Variants in ARHGAP15 observed in about 807,000 individuals in gnomAD.
ARHGAP15 encodes rho GTPase-activating protein 15.
In ARHGAP15, 51 loss-of-function variants were observed where a neutral mutation model predicts 63.7. That is an observed-to-expected ratio of 0.80 (90% CI 0.64 to 1.01). The LOEUF (loss-of-function observed/expected upper bound fraction) is 1.01, where lower values mean the gene tolerates loss of function less well. Among genes scored for constraint, ARHGAP15 ranks in the 50% least tolerant of loss-of-function variants. The probability of loss-of-function intolerance (pLI) is 0.00; values close to 1 mark genes in which losing one functional copy is unlikely to be tolerated. For missense variants in ARHGAP15, 560 were observed against 564.6 expected (o/e 0.99, Z 0.08); for synonymous variants, 191 against 193.8 (o/e 0.99, Z 0.12).
chr2:143,557,830 T>C (rs1398738450), intron 11 of ARHGAP15, among the ~76,000 whole-genome samples: 1 of 151,954 alleles, frequency 6.6e-6, no homozygotes, highest in Non-Finnish European at 1.5e-5. Context: ...AATTAGAAAA[T>C]GAAAAACAAG....
intron 5 of ARHGAP15, among the ~76,000 whole-genome samples, chr2:143,242,807 C>A (rs983297855): frequency 6.6e-6 from 1 of 152,308 alleles, no homozygotes; most frequent in Admixed American, 6.5e-5. Flanking sequence ...TTTCCTAAAT[C>A]ATTTTGCCCA....
At chr2:143,271,666 C>T (rs1169209710) in intron 6 of ARHGAP15, among the ~76,000 whole-genome samples, 1 of 152,152 alleles carries the variant, frequency 6.6e-6, no homozygotes, top group Non-Finnish European at 1.5e-5. Context: ...TTAGTAGAGA[C>T]GGGGTTCCAC....
Position 143,311,875 on chromosome 2 carries a change from C to T in ARHGAP15, c.474+61275C>T, listed in dbSNP as rs1014061713. ...TCTCTTAGGGTTTTCAGAATAAAAA[C>T]GTGTCCATTTGCAGACCAAATTCCT... On this transcript the variant is annotated intron_variant, in intron 6 of 13. Coordinates refer to ENST00000295095, the MANE Select transcript of ARHGAP15 (RefSeq NM_018460.4). Among the ~76,000 whole-genome samples the T allele has an allele frequency of 1.4e-4, 21 of 152,206 alleles. No individual in the cohort carries two copies. In the East Asian group the frequency reaches 3.1e-3, roughly 22 times the overall value.
rs1686444617 is a variant in ARHGAP15 at position 143,753,152 on chromosome 2, T to C, written c.1245-14837T>C. Reference sequence around the variant, plus strand: ...AGAATAAGCTCGTCTCTTAAATACATACATAACATAAAATATATGTTGACA... The same window carrying C: ...AGAATAAGCTCGTCTCTTAAATACACACATAACATAAAATATATGTTGACA... On this transcript the variant is annotated intron_variant, in intron 13 of 13. Transcript: ENST00000295095. Among the ~76,000 whole-genome samples, 6 of 152,236 alleles carry C rather than the reference T, an allele frequency of 3.9e-5. No homozygotes were observed. The South Asian group carries it at 1.2e-3, about 32-fold the overall frequency.
intron 1 of ARHGAP15, among the ~76,000 whole-genome samples, chr2:143,144,097 C>T (rs1226003657): frequency 6.6e-6 from 1 of 152,050 alleles, no homozygotes; most frequent in Non-Finnish European, 1.5e-5. Flanking sequence ...GACATGATCT[C>T]ATTCTTGTTA....
At chr2:143,368,131 A>G (rs2105350491) in intron 6 of ARHGAP15, among the ~76,000 whole-genome samples, 1 of 152,250 alleles carries the variant, frequency 6.6e-6, no homozygotes, top group Middle Eastern at 3.4e-3. Context: ...AAAGCCAGAT[A>G]TCCCTTCTTC....
chr2:143,167,456 G>A (rs1690589422), intron 2 of ARHGAP15, among the ~76,000 whole-genome samples: 1 of 152,058 alleles, frequency 6.6e-6, no homozygotes, highest in Non-Finnish European at 1.5e-5. Context: ...GTCTTGCTAT[G>A]AGAATGGCCC....
intron 10 of ARHGAP15, among the ~76,000 whole-genome samples, chr2:143,527,696 T>C (rs1447135328): frequency 6.6e-6 from 1 of 152,040 alleles, no homozygotes; most frequent in Non-Finnish European, 1.5e-5. Flanking sequence ...ATTTAAAATA[T>C]TAAGTACATG....
chr2:143,552,570 G>T, intron 10 of ARHGAP15, among the ~76,000 whole-genome samples: 1 of 151,848 alleles, frequency 6.6e-6, no homozygotes, highest in Middle Eastern at 3.4e-3. Context: ...AGTCGGGGTG[G>T]GGAGGCAGGG....
chr2:143,511,420 A>G (rs1693582655), intron 9 of ARHGAP15, among the ~76,000 whole-genome samples: 1 of 152,214 alleles, frequency 6.6e-6, no homozygotes, highest in Admixed American at 6.5e-5. Context: ...AGAAGATTCC[A>G]AAAATATTGG....
In ARHGAP15 at chr2:143,437,838, A is replaced by G. The variant is rs145726782; in HGVS notation, c.703+796A>G. On this transcript the variant is annotated intron_variant, in intron 8 of 13. Transcript: ENST00000295095. Reference sequence around the variant, plus strand: ...CAGGAGCTCGAGATCATCCTGGTCAACATGGCCAAACTCCATCTCTACTAA... The same window carrying G: ...CAGGAGCTCGAGATCATCCTGGTCAGCATGGCCAAACTCCATCTCTACTAA... 4.6e-3 allele frequency among the ~76,000 whole-genome samples: 698 copies of G among 152,214 alleles called. 6 individuals carry two copies. The highest frequency in any genetic ancestry group is 0.015 in the African/African-American group (628 of 41,532).
intron 13 of ARHGAP15, among the ~76,000 whole-genome samples, chr2:143,743,753 C>T (rs1311663172): frequency 6.6e-6 from 1 of 152,058 alleles, no homozygotes; most frequent in African/African-American, 2.4e-5. Context: ...AACATTATTT[C>T]AGCCAACTGA....
chr2:143,207,842 A>G (rs1692401523), intron 3 of ARHGAP15, among the ~76,000 whole-genome samples: 1 of 152,126 alleles, frequency 6.6e-6, no homozygotes, highest in Admixed American at 6.6e-5. Context: ...TCACATTGAC[A>G]CTTGAATTAT....
intron 6 of ARHGAP15, among the ~76,000 whole-genome samples, chr2:143,406,821 T>C (rs1461232135): frequency 1.3e-5 from 2 of 151,880 alleles, no homozygotes; most frequent in Non-Finnish European, 2.9e-5. Context: ...ATGAACACCA[T>C]GGTCATTTAG....
intron 6 of ARHGAP15, among the ~76,000 whole-genome samples, chr2:143,256,307 A>T (rs572266245): frequency 6.6e-6 from 1 of 152,252 alleles, no homozygotes; most frequent in East Asian, 1.9e-4. Flanking sequence ...TATCTGTGAA[A>T]TGTAACTCAA....
chr2:143,216,409 A>C lies in ARHGAP15; in HGVS notation c.260A>C (p.Gln87Pro). 1 of 1,611,322 alleles carries C rather than the reference A, an allele frequency of 6.2e-7. No homozygotes were observed. Residue 87 changes from glutamine to proline, a missense_variant, in exon 4 of 14, where the codon CAA (glutamine) becomes CCA (proline). Physicochemically the swap from Gln to Pro is moderately conservative, Grantham distance 76. Coordinates refer to ENST00000295095, the MANE Select transcript of ARHGAP15 (RefSeq NM_018460.4). ...QLMVEKEGYL[Q>P]KAKIADGGKK... ...ATGGTTGAAAAAGAAGGTTATCTGCAAAAAGCTAAAATTGCAGATGGAGGA... is the reference window on the plus strand; with the variant it reads ...ATGGTTGAAAAAGAAGGTTATCTGCCAAAAGCTAAAATTGCAGATGGAGGA...
chr2:143,142,776 G>C (rs1380211933), intron 1 of ARHGAP15, among the ~76,000 whole-genome samples: 1 of 151,954 alleles, frequency 6.6e-6, no homozygotes, highest in Admixed American at 6.6e-5. Context: ...GCACAAGATG[G>C]GGAAATGTAG....
At chr2:143,762,252 C>G (rs1373477130) in intron 13 of ARHGAP15, among the ~76,000 whole-genome samples, 3 of 152,120 alleles carry the variant, frequency 2.0e-5, no homozygotes, top group African/African-American at 7.2e-5. Context: ...TATTTTGGGG[C>G]CTCCTTGCCC....
intron 6 of ARHGAP15, among the ~76,000 whole-genome samples, chr2:143,422,037 T>C (rs999212414): frequency 2.6e-5 from 4 of 152,128 alleles, no homozygotes; most frequent in African/African-American, 9.7e-5. Flanking sequence ...AATACGTTCT[T>C]CCCTTAGTGC....
Sources: gnomAD v4.1 joint callset for allele counts (sites outside exome capture counted in the v4.1 genomes callset) on GRCh38, gnomAD v4.1.1 for gene constraint, MANE v1.5 for transcripts, NCBI Gene and HGNC (gene_info 2026-07-23, HGNC 2026-07-21) for gene names.